Variants in KASH5 observed in about 807,000 individuals in gnomAD.
KASH5 encodes the protein KASH domain containing 5.
In KASH5, 72 loss-of-function variants were observed where a neutral mutation model predicts 84.2. The observed-to-expected ratio is 0.85, with a 90% CI of 0.71 to 1.04. The LOEUF (loss-of-function observed/expected upper bound fraction) is 1.04. Ranked by LOEUF, KASH5 falls within the 50% of genes least tolerant of loss-of-function variation. KASH5 has a pLI of 0.00. For missense variants in KASH5, 650 were observed against 701.0 expected (o/e 0.93, Z 0.82); for synonymous variants, 260 against 279.1 (o/e 0.93, Z 0.68).
Position 49,414,980 on chromosome 19 carries a change from C to T in KASH5, c.1358C>T (p.Ala453Val), listed in dbSNP as rs547460572. 2.5e-6 allele frequency: 4 copies of T among 1,612,880 alleles called. No individual in the cohort carries two copies. In the East Asian group the frequency reaches 6.7e-5, roughly 27 times the overall value. The change falls in exon 17 of 20, where the codon GCA (alanine) becomes GTA (valine). Residue 453 changes from alanine (A) to valine (V), a missense_variant. Transcript: ENST00000447857. The surrounding 1 kb of genome is among the most constrained non-coding windows in gnomAD (Gnocchi z 4.5). ...WLTRREEEED[A>V]ESQVTADLPV... is the part of the protein sequence containing the mutation. ...ACCAGAAGAGAGGAAGAGGAGGATG[C>T]AGAGAGCCAGGTCACGGTAGGCAGT... is the stretch of plus-strand genomic sequence containing the variant.
chr19:49,392,563 C>T (rs985488595), intron 2 of KASH5, among the ~76,000 whole-genome samples: 6 of 152,138 alleles, frequency 3.9e-5, no homozygotes, highest in Non-Finnish European at 7.3e-5. Flanking sequence ...TGGCAAGCAG[C>T]CCTGGGTGAA....
At chr19:49,400,308 C>T (rs1413755726) in intron 9 of KASH5, among the ~76,000 whole-genome samples, 1 of 149,424 alleles carries the variant, frequency 6.7e-6, no homozygotes, top group Non-Finnish European at 1.5e-5. Context: ...AATAGGCAAC[C>T]TTTAAGCATG....
intron 12 of KASH5, chr19:49,408,222 T>A (rs1443496055): frequency 5.8e-6 from 1 of 171,808 alleles, no homozygotes; most frequent in African/African-American, 2.4e-5. Context: ...CCTCCCCTCC[T>A]TATCTTTATG....
chr19:49,395,770 G>T lies in KASH5; in HGVS notation c.337G>T (p.Gly113Ter), dbSNP rs1401107201. 1.3e-6 allele frequency: 2 copies of T among 1,559,018 alleles called. No individual in the cohort carries two copies. Among genetic ancestry groups the T allele is most frequent in the South Asian group, 2.4e-5 (2 of 84,332 alleles). ...DWIAACQLHG[G>*]LELEEETAFQ... ...CTAAGCCTCATCCCTTTGATACAGG[G>T]GATTAGAGCTGGAAGAGGAGACCGC... The change falls in exon 5 of 20, where the codon GGA (glycine) becomes TGA (stop). Residue 113 changes from glycine to a stop codon, truncating the protein, a stop_gained and splice_region_variant. Transcript: ENST00000447857. LOFTEE classifies it high-confidence loss of function. The surrounding 1 kb of genome is among the most constrained non-coding windows in gnomAD (Gnocchi z 4.4).
chr19:49,407,714 TCTC>T (rs778861402), intron 12 of KASH5, 43 bp downstream of exon 12: 1 of 1,563,420 alleles, frequency 6.4e-7, no homozygotes, highest in South Asian at 1.2e-5. Flanking sequence ...CCTCGCCACT[TCTC>T]TTTTGCCATC....
rs191414849 is a variant in KASH5 at position 49,408,239 on chromosome 19, T to C, written c.993+568T>C. 37 of 166,882 alleles carry C rather than the reference T, an allele frequency of 2.2e-4. No individual in the cohort carries two copies. In the East Asian group the frequency reaches 5.7e-3, roughly 26 times the overall value. The allele number at this position is 166,882 out of a possible 1,614,324, so 10.3% of individuals were successfully genotyped here. ...TCCCCTCCTTATCTTTATGTGTCTCTGCGAGGCTCGTGTGGGTTCCTGTCT... is the reference window on the plus strand; with the variant it reads ...TCCCCTCCTTATCTTTATGTGTCTCCGCGAGGCTCGTGTGGGTTCCTGTCT... On this transcript the variant is annotated intron_variant, in intron 12 of 19. Coordinates refer to ENST00000447857, the MANE Select transcript of KASH5 (RefSeq NM_144688.5).
Position 49,397,928 on chromosome 19 carries a change from G to A in KASH5, c.468-54G>A, listed in dbSNP as rs943740707. ...CACCACCAGCACCTACCTCGACCCGGGGAAATGAGTCAGGGGCTGTGGACA... is the reference window on the plus strand; with the variant it reads ...CACCACCAGCACCTACCTCGACCCGAGGAAATGAGTCAGGGGCTGTGGACA... On this transcript the variant is annotated intron_variant, in intron 6 of 19. Coordinates refer to ENST00000447857, the MANE Select transcript of KASH5 (RefSeq NM_144688.5). 3 of 1,582,758 alleles carry A rather than the reference G, an allele frequency of 1.9e-6. No individual in the cohort carries two copies. In the African/African-American group the frequency reaches 4.0e-5, roughly 21 times the overall value.
intron 9 of KASH5, among the ~76,000 whole-genome samples, chr19:49,400,225 CAAAAAAAAAA>C (rs34052696): frequency 1.2e-5 from 1 of 81,284 alleles, no homozygotes; most frequent in East Asian, 3.4e-4. Context: ...GAGAGCCTCT[CAAAAAAAAAA>C]AAAAAAAAAA....
Position 49,398,034 on chromosome 19 carries a change from CG to C in KASH5, c.521del (p.Arg174HisfsTer55). 7 of 1,613,928 alleles carry C rather than the reference CG, an allele frequency of 4.3e-6. No individual in the cohort carries two copies. Among genetic ancestry groups the C allele is most frequent in the Non-Finnish European group, 5.9e-6 (7 of 1,179,868 alleles). On this transcript the variant is annotated frameshift_variant, in exon 7 of 20. Transcript: ENST00000447857. LOFTEE classifies it high-confidence loss of function. Reference protein sequence around the residue: ...SSLEDLELSNRRLVGENAKLQ... With the variant: ...SSLEDLELSNXRLVGENAKLQ... Reference sequence around the variant, plus strand: ...CCTGGAGGACCTGGAGCTCAGCAACCGACGTCTGGTTGGGGAGAATGCCAAA... The same window carrying C: ...CCTGGAGGACCTGGAGCTCAGCAACCACGTCTGGTTGGGGAGAATGCCAAA...
intron 9 of KASH5, among the ~76,000 whole-genome samples, chr19:49,401,752 A>G (rs899371785): frequency 6.6e-6 from 1 of 152,180 alleles, no homozygotes; most frequent in Non-Finnish European, 1.5e-5. Context: ...CAGATCATGT[A>G]TTCCCAAAAA....
intron 9 of KASH5, among the ~76,000 whole-genome samples, chr19:49,400,319 TG>T (rs1279538130): frequency 6.6e-6 from 1 of 151,000 alleles, no homozygotes; most frequent in Non-Finnish European, 1.5e-5. Flanking sequence ...TTTAAGCATG[TG>T]ACTTCTCCTT....
chr19:49,395,348 A>G lies in KASH5; in HGVS notation c.335+56A>G. The G allele has an allele frequency of 1.3e-6, 2 of 1,554,160 alleles. No homozygotes were observed. The highest frequency in any genetic ancestry group is 2.3e-5 in the South Asian group (2 of 86,722). On this transcript the variant is annotated intron_variant, in intron 4 of 19. Transcript: ENST00000447857. This position sits in a 1 kb window ranked among gnomAD's most constrained non-coding sequence, Gnocchi z 4.4. ...GAAGTCCTTCCTAAGATCTAACCTC[A>G]TACCTGCTTACTGGAGCCAGCATCC...
Position 49,416,816 on chromosome 19 carries a change from ACGGAGAG to A in KASH5, c.1375-198_1375-192del, listed in dbSNP as rs1974919177. On this transcript the variant is annotated intron_variant, in intron 17 of 19. Coordinates refer to ENST00000447857, the MANE Select transcript of KASH5 (RefSeq NM_144688.5). This position sits in a 1 kb window ranked among gnomAD's most constrained non-coding sequence, Gnocchi z 5.4. ...GGCCAGCAGATGGGGAAAGAGCGGCACGGAGAGGTGTGGTGACATGCCAAGGACCCTC... is the reference window on the plus strand; with the variant it reads ...GGCCAGCAGATGGGGAAAGAGCGGCAGTGTGGTGACATGCCAAGGACCCTC... Among the ~76,000 whole-genome samples, 5 of 141,492 alleles carry A rather than the reference ACGGAGAG, an allele frequency of 3.5e-5. No individual in the cohort carries two copies. Among genetic ancestry groups the A allele is most frequent in the African/African-American group, 1.5e-4 (5 of 32,310 alleles). 92.8% of individuals were successfully genotyped at this position (141,492 alleles called of 152,430 possible).
Position 49,409,945 on chromosome 19 carries a change from C to G in KASH5, c.1269+70C>G. ...CAGGAGCTCCAGGTGCCGCCCTGGC[C>G]AGCCCATTCACTCACACTTTTGCTT... On this transcript the variant is annotated intron_variant, in intron 15 of 19. Transcript: ENST00000447857. 3.8e-6 allele frequency: 6 copies of G among 1,563,300 alleles called. No individual in the cohort carries two copies. In the South Asian group the frequency reaches 6.9e-5, roughly 18 times the overall value.
At position 49,395,580 on chromosome 19, in the gene KASH5, C is replaced by T. The variant is rs937071380; in HGVS notation, c.336-189C>T. On this transcript the variant is annotated intron_variant, in intron 4 of 19. Transcript: ENST00000447857. This position sits in a 1 kb window ranked among gnomAD's most constrained non-coding sequence, Gnocchi z 4.4. The stretch of plus-strand genomic sequence containing the variant: ...GTCCCTCCCCAACCCTTCACCAAAC[C>T]CACTCCTTGCCCCTCCTGCTTTTCC... The T allele has an allele frequency of 1.6e-6, 1 of 644,662 alleles. No individual in the cohort carries two copies. Among genetic ancestry groups the T allele is most frequent in the African/African-American group, 1.8e-5 (1 of 55,020 alleles). 39.9% of individuals were successfully genotyped at this position (644,662 alleles called of 1,614,324 possible). A position where few individuals can be genotyped will look rare whatever the true frequency, so the allele number is the denominator to read the frequency against.
chr19:49,396,243 C>T (rs10405724), intron 5 of KASH5, among the ~76,000 whole-genome samples: 3,474 of 35,746 alleles, frequency 0.097, 238 homozygotes, highest in South Asian at 0.17. Flanking sequence ...CCCTGCTGGA[C>T]TTTTTTTTTT....
At position 49,392,783 on chromosome 19, in the gene KASH5, G is replaced by C. The variant is rs538076695; in HGVS notation, c.44-1693G>C. On this transcript the variant is annotated intron_variant, in intron 2 of 19. Coordinates refer to ENST00000447857, the MANE Select transcript of KASH5 (RefSeq NM_144688.5). Reference sequence around the variant, plus strand: ...AAAAATTAGCTGGGCCTGGTAGCAGGCACCTGTAATCCCAGCTACTCGGGA... The same window carrying C: ...AAAAATTAGCTGGGCCTGGTAGCAGCCACCTGTAATCCCAGCTACTCGGGA... Among the ~76,000 whole-genome samples the C allele has an allele frequency of 2.0e-5, 3 of 152,162 alleles. No individual in the cohort carries two copies. The South Asian group carries it at 6.2e-4, about 32-fold the overall frequency.
chr19:49,416,069 A>T lies in KASH5; in HGVS notation c.1375-946A>T, dbSNP rs1974894271. ...ATCCTCAGATGAAGTGTTGGAATTAATCAGTGAATTTAGTGTGGTTGCTGG... is the reference window on the plus strand; with the variant it reads ...ATCCTCAGATGAAGTGTTGGAATTATTCAGTGAATTTAGTGTGGTTGCTGG... On this transcript the variant is annotated intron_variant, in intron 17 of 19. Transcript: ENST00000447857. This position sits in a 1 kb window ranked among gnomAD's most constrained non-coding sequence, Gnocchi z 5.4. 6.6e-6 allele frequency among the ~76,000 whole-genome samples: 1 copy of T among 152,248 alleles called. No homozygotes were observed. The highest frequency in any genetic ancestry group is 1.5e-5 in the Non-Finnish European group (1 of 68,054).
chr19:49,406,742 T>C (rs763110892), intron 9 of KASH5, 144 bp from the exon 10 acceptor site: 4 of 709,486 alleles, frequency 5.6e-6, no homozygotes, highest in African/African-American at 3.6e-5. Flanking sequence ...ACTGGAATGG[T>C]TGGAGGAATT....
Sources: allele counts gnomAD v4.1 joint callset (sites outside exome capture counted in the v4.1 genomes callset), GRCh38; gene constraint gnomAD v4.1.1; non-coding constraint Gnocchi (gnomAD v3.1); transcripts MANE v1.5; gene names NCBI Gene and HGNC (gene_info 2026-07-23, HGNC 2026-07-21).